The following KCNN3 variants were observed in gnomAD, a reference collection of about 807,000 sequenced individuals.
KCNN3 encodes the protein small conductance calcium-activated potassium channel protein 3.
Under a neutral mutation model 62.9 loss-of-function variants are expected in KCNN3, and 16 were observed. That is an observed-to-expected ratio of 0.25 (90% CI 0.17 to 0.39). The LOEUF is 0.39. Ranked by LOEUF, KCNN3 falls within the 10% of genes least tolerant of loss-of-function variation. The pLI, the probability that KCNN3 is intolerant of heterozygous loss-of-function variation, is 1.00. For missense variants in KCNN3, 599 were observed against 949.4 expected, an observed-to-expected ratio of 0.63 and a Z score of 4.85; for synonymous variants, 370 against 389.2, an observed-to-expected ratio of 0.95 and a Z score of 0.58.
chr1:154,813,811 C>T (rs932807747), intron 2 of KCNN3, among the ~76,000 whole-genome samples: 23 of 152,306 alleles, frequency 1.5e-4, no homozygotes, highest in Admixed American at 7.8e-4. Context: ...GCTGCCACCA[C>T]GAGCACACCC....
intron 2 of KCNN3, among the ~76,000 whole-genome samples, chr1:154,783,749 G>A (rs1021260175): frequency 1.3e-5 from 2 of 152,196 alleles, no homozygotes; most frequent in Non-Finnish European, 2.9e-5. Flanking sequence ...CATGAGAGGG[G>A]GAGGCCGGAG....
intron 2 of KCNN3, among the ~76,000 whole-genome samples, chr1:154,816,139 T>C (rs890848489): frequency 6.6e-6 from 1 of 152,216 alleles, no homozygotes; most frequent in Non-Finnish European, 1.5e-5. Context: ...TCCCCTTTTT[T>C]TGGTCCCTTG....
At chr1:154,838,833 C>T (rs999314401) in intron 1 of KCNN3, among the ~76,000 whole-genome samples, 3 of 152,188 alleles carry the variant, frequency 2.0e-5, no homozygotes, top group Non-Finnish European at 4.4e-5. Context: ...ACCCCCAGCA[C>T]CTTGCACAGT....
chr1:154,772,695 C>G lies in KCNN3; in HGVS notation c.1030-302G>C, dbSNP rs1327382331. Among the ~76,000 whole-genome samples the G allele has an allele frequency of 6.6e-6, 1 of 152,136 alleles. No homozygotes were observed. The highest frequency in any genetic ancestry group is 1.5e-5 in the Non-Finnish European group (1 of 68,034). On this transcript the variant is annotated intron_variant, in intron 2 of 7. Coordinates refer to ENST00000271915, the MANE Select transcript of KCNN3 (RefSeq NM_002249.6). The surrounding 1 kb of genome is among the most constrained non-coding windows in gnomAD (Gnocchi z 5.6). ...TATAATAAGAAATAATGTACTTGGT[C>G]TTTATCCTGGTTTAGGCACAGTTCC... is the stretch of plus-strand genomic sequence containing the variant.
rs1648373058 is a variant in KCNN3, at chr1:154,767,940, T to C, written c.1448+4035A>G. On this transcript the variant is annotated intron_variant, in intron 3 of 7. Transcript: ENST00000271915. ...AACCCAAGATATGAGAACTGTCTTT[T>C]AAAATACATCTTGCTGTAGAGAGAT... is the stretch of plus-strand genomic sequence containing the variant. Among the ~76,000 whole-genome samples the C allele has an allele frequency of 9.2e-5, 14 of 152,332 alleles. No individual in the cohort carries two copies. The South Asian group carries it at 2.9e-3, about 32-fold the overall frequency.
chr1:154,755,305 A>G (rs1267154963), intron 3 of KCNN3, among the ~76,000 whole-genome samples: 7 of 151,496 alleles, frequency 4.6e-5, no homozygotes. Flanking sequence ...CTCTGTCGCC[A>G]AAAAATTTTT....
At chr1:154,743,691 C>T (rs978588635) in intron 3 of KCNN3, among the ~76,000 whole-genome samples, 17 of 152,252 alleles carry the variant, frequency 1.1e-4, no homozygotes, top group Middle Eastern at 3.4e-3. Flanking sequence ...CTGGGCAGCT[C>T]GCAGTTAACC....
intron 3 of KCNN3, among the ~76,000 whole-genome samples, chr1:154,769,206 T>C (rs1406694068): frequency 1.3e-5 from 2 of 152,142 alleles, no homozygotes; most frequent in African/African-American, 2.4e-5. Flanking sequence ...ACCTCTCTCA[T>C]AGATCTATTG....
intron 3 of KCNN3, among the ~76,000 whole-genome samples, chr1:154,734,935 A>G (rs1700679091): frequency 6.6e-6 from 1 of 152,180 alleles, no homozygotes; most frequent in Non-Finnish European, 1.5e-5. Context: ...GTGTCTTGGG[A>G]ATAATGAGGA....
intron 3 of KCNN3, among the ~76,000 whole-genome samples, chr1:154,741,776 C>T (rs1489857533): frequency 1.3e-5 from 2 of 151,318 alleles, no homozygotes; most frequent in African/African-American, 4.9e-5. Context: ...AGCCATTTGT[C>T]CTGGGTCTGA....
intron 5 of KCNN3, 73 bp downstream of exon 5, chr1:154,725,843 G>T: frequency 8.8e-7 from 1 of 1,129,992 alleles, no homozygotes; most frequent in Non-Finnish European, 1.3e-6. Flanking sequence ...GCACCCGTTG[G>T]ACCATTTGCT....
chr1:154,733,232 A>G lies in KCNN3; in HGVS notation c.1449-88T>C, dbSNP rs982205285. The G allele has an allele frequency of 3.5e-6, 5 of 1,408,696 alleles. No homozygotes were observed. The African/African-American group carries it at 5.6e-5, about 16-fold the overall frequency. 87.3% of individuals were successfully genotyped at this position (1,408,696 alleles called of 1,614,324 possible). On this transcript the variant is annotated intron_variant, in intron 3 of 7. Coordinates refer to ENST00000271915, the MANE Select transcript of KCNN3 (RefSeq NM_002249.6). ...CAAACCTAGAGCGGGGAAGGAAATG[A>G]GATATTTTGCTGAGGAAGAGGCAGC...
chr1:154,751,335 G>C (rs948938081), intron 3 of KCNN3, among the ~76,000 whole-genome samples: 1 of 152,048 alleles, frequency 6.6e-6, no homozygotes, highest in Non-Finnish European at 1.5e-5. Context: ...TCCCATTCTC[G>C]GGACAACTAG....
chr1:154,832,159 C>T (rs2101903249), intron 1 of KCNN3, among the ~76,000 whole-genome samples: 1 of 152,094 alleles, frequency 6.6e-6, no homozygotes, highest in Non-Finnish European at 1.5e-5. Flanking sequence ...CCAAGACTGT[C>T]ACTTAGTCAC....
rs752904327 is a variant in KCNN3, at chr1:154,859,642, G to T, written c.933+9390C>A. The T allele has an allele frequency of 8.3e-6, 13 of 1,561,084 alleles. No individual in the cohort carries two copies. The East Asian group carries it at 1.8e-4, about 22-fold the overall frequency. On this transcript the variant is annotated intron_variant, in intron 1 of 7. Coordinates refer to ENST00000271915, the MANE Select transcript of KCNN3 (RefSeq NM_002249.6). The stretch of plus-strand genomic sequence containing the variant: ...GTTCAATGGCTCAAGCCAGGCAACA[G>T]GTCATCTGCTTCCTCCTCCCTACCT...
intron 1 of KCNN3, among the ~76,000 whole-genome samples, chr1:154,860,185 G>A (rs1218585): frequency 0.18 from 27,114 of 152,236 alleles, 2,735 homozygotes; most frequent in Non-Finnish European, 0.23. Context: ...AGAATTCTAG[G>A]AAGCACCCTG....
intron 1 of KCNN3, among the ~76,000 whole-genome samples, chr1:154,837,583 G>A (rs1651645213): frequency 6.6e-6 from 1 of 152,268 alleles, no homozygotes; most frequent in African/African-American, 2.4e-5. Context: ...TGATGCTTAT[G>A]GGGGAAAACC....
At chr1:154,755,489 AAGGG>A (rs1245854719) in intron 3 of KCNN3, among the ~76,000 whole-genome samples, 1 of 81,162 alleles carries the variant, frequency 1.2e-5, no homozygotes, top group Non-Finnish European at 2.9e-5. Context: ...GGAAGGAAGA[AAGGG>A]AGAAAGAAAG....
At chr1:154,738,019 GA>G (rs1700748717) in intron 3 of KCNN3, among the ~76,000 whole-genome samples, 1 of 152,158 alleles carries the variant, frequency 6.6e-6, no homozygotes, top group Non-Finnish European at 1.5e-5. Flanking sequence ...CAACTGGGGG[GA>G]AAAGAAGGAG....
Sources: allele counts gnomAD v4.1 joint callset (sites outside exome capture counted in the v4.1 genomes callset), GRCh38; gene constraint gnomAD v4.1.1; non-coding constraint Gnocchi (gnomAD v3.1); transcripts MANE v1.5; gene names NCBI Gene and HGNC (gene_info 2026-07-23, HGNC 2026-07-21).